Variants in NUP188 observed in about 807,000 individuals in gnomAD.
The protein encoded by NUP188 is nucleoporin 188.
NUP188 carries 97 observed loss-of-function variants against 223.0 expected under a neutral mutation model. The ratio of observed to expected loss-of-function variants is 0.43; its 90% CI spans 0.37 to 0.51. The LOEUF (loss-of-function observed/expected upper bound fraction) is 0.51. Ranked by LOEUF, NUP188 falls within the 20% of genes least tolerant of loss-of-function variation. The pLI is 0.00. For synonymous variants in NUP188, 869 were observed against 828.0 expected (o/e 1.05, Z -0.85); for missense variants, 1,947 against 2,175.6 (o/e 0.89, Z 2.09).
Position 128,999,738 on chromosome 9 carries a change from C to T in NUP188, c.3776C>T (p.Thr1259Ile), listed in dbSNP as rs1842606101. Residue 1259 changes from threonine (T) to isoleucine (I), a missense_variant, in exon 34 of 44, where the codon ACA (threonine) becomes ATA (isoleucine). By Grantham distance (89) the Thr-to-Ile change is moderately conservative. Around this residue, in one of 3 missense-constraint regions of NUP188, gnomAD observed 905 missense variants for 990.6 expected, o/e 0.91. Coordinates refer to ENST00000372577, the MANE Select transcript of NUP188 (RefSeq NM_015354.3). ...CACAGTCTGGCATTAGGCAGTGCCA[C>T]AGAGGACAAGGACAGCATGGAGACT... is the stretch of plus-strand genomic sequence containing the variant. ...TRHSLALGSA[T>I]EDKDSMETDD... The T allele has an allele frequency of 6.2e-7, 1 of 1,614,226 alleles. No individual in the cohort carries two copies. Among genetic ancestry groups the T allele is most frequent in the South Asian group, 1.1e-5 (1 of 91,086 alleles).
chr9:129,000,993 C>T (rs1004305063), intron 34 of NUP188, among the ~76,000 whole-genome samples: 12 of 152,020 alleles, frequency 7.9e-5, no homozygotes, highest in African/African-American at 2.9e-4. Flanking sequence ...GCCGAGATCG[C>T]GCCGCTGCAC....
Position 129,006,125 on chromosome 9 carries a change from T to G in NUP188, c.4943+2T>G. The G allele has an allele frequency of 6.2e-7, 1 of 1,614,112 alleles. No homozygotes were observed. On this transcript the variant is annotated splice_donor_variant, in intron 42 of 43. Coordinates refer to ENST00000372577, the MANE Select transcript of NUP188 (RefSeq NM_015354.3). LOFTEE classifies it high-confidence loss of function. The stretch of plus-strand genomic sequence containing the variant: ...GGCAGAAGGGACCAGGACGTTAAAG[T>G]AAGTGCTCTTTCTGGGATTTGATAA...
intron 8 of NUP188, among the ~76,000 whole-genome samples, chr9:128,960,059 C>CTTTTTTTTTTTT (rs956759518): frequency 4.8e-5 from 5 of 103,776 alleles, no homozygotes; most frequent in Admixed American, 9.9e-5. Context: ...TTATTTTATT[C>CTTTTTTTTTTTT]TTTTTTTTTT....
chr9:129,004,310 C>CA (rs1842735124), intron 38 of NUP188, among the ~76,000 whole-genome samples: 1 of 148,184 alleles, frequency 6.7e-6, no homozygotes. Flanking sequence ...CTAAACTAAA[C>CA]AAAACCAAAA....
At chr9:128,969,937 G>GT (rs1026719541) in intron 10 of NUP188, among the ~76,000 whole-genome samples, 23 of 150,858 alleles carry the variant, frequency 1.5e-4, no homozygotes, top group African/African-American at 4.9e-4. Flanking sequence ...AGTCTGTTTT[G>GT]TTTTTTTTGA....
intron 42 of NUP188, 55 bp downstream of exon 42, chr9:129,006,178 T>C: frequency 1.9e-6 from 3 of 1,614,090 alleles, no homozygotes; most frequent in Non-Finnish European, 2.5e-6. Flanking sequence ...GGGCCCACTG[T>C]TCTCAAGCTT....
chr9:128,981,950 G>T (rs962335733), intron 15 of NUP188, among the ~76,000 whole-genome samples: 27 of 152,034 alleles, frequency 1.8e-4, no homozygotes, highest in Non-Finnish European at 3.1e-4. Flanking sequence ...GGTGGTGCAT[G>T]CCTGTAATCC....
intron 9 of NUP188, 44 bp downstream of exon 9, chr9:128,968,761 G>A: frequency 7.0e-7 from 1 of 1,435,912 alleles, no homozygotes; most frequent in Non-Finnish European, 9.8e-7. Flanking sequence ...AGTGTTTAGA[G>A]CATTGATACT....
chr9:128,970,659 ACT>A, intron 10 of NUP188, 97 bp from the exon 11 acceptor site: 2 of 981,840 alleles, frequency 2.0e-6, no homozygotes, highest in Non-Finnish European at 3.2e-6. Context: ...GAGTGAGGCC[ACT>A]CTTTATGGCT....
intron 8 of NUP188, among the ~76,000 whole-genome samples, chr9:128,964,734 C>T (rs1330968931): frequency 6.9e-6 from 1 of 144,318 alleles, no homozygotes; most frequent in Non-Finnish European, 1.5e-5. Flanking sequence ...TTGAGACGCT[C>T]TCACTCAGTC....
Position 128,984,124 on chromosome 9 carries a change from A to ATTTTTTTTTTTTTTTTTTTTTTTTTTTT in NUP188, c.1961+593_1961+594insTTTTTTTTTTTTTTTTTTTTTTTTTTTT, listed in dbSNP as rs1193631566. On this transcript the variant is annotated intron_variant, in intron 19 of 43. Coordinates refer to ENST00000372577, the MANE Select transcript of NUP188 (RefSeq NM_015354.3). Reference sequence around the variant, plus strand: ...GGCGTGAGCCACCGCGCCTGGCCTGATTTTTTTTTTTTTTTTTTTGAGATG... The same window carrying ATTTTTTTTTTTTTTTTTTTTTTTTTTTT: ...GGCGTGAGCCACCGCGCCTGGCCTGATTTTTTTTTTTTTTTTTTTTTTTTTTTTTTTTTTTTTTTTTTTTTTTGAGATG... Among the ~76,000 whole-genome samples, 30 of 93,050 alleles carry ATTTTTTTTTTTTTTTTTTTTTTTTTTTT rather than the reference A, an allele frequency of 3.2e-4. 5 individuals are homozygous for ATTTTTTTTTTTTTTTTTTTTTTTTTTTT. Among genetic ancestry groups the ATTTTTTTTTTTTTTTTTTTTTTTTTTTT allele is most frequent in the African/African-American group, 1.2e-3 (21 of 16,966 alleles). 61.0% of individuals were successfully genotyped at this position (93,050 alleles called of 152,430 possible). A position where few individuals can be genotyped will look rare whatever the true frequency, so the allele number is the denominator to read the frequency against.
Position 128,959,105 on chromosome 9 carries a change from C to A in NUP188, c.556C>A (p.Pro186Thr). 2 of 1,600,592 alleles carry A rather than the reference C, an allele frequency of 1.2e-6. No homozygotes were observed. Among genetic ancestry groups the A allele is most frequent in the South Asian group, 2.3e-5 (2 of 88,466 alleles). The part of the protein sequence containing the change: ...QFEELYKTEA[P>T]TWETHGNLMT... ...CGAAGAGCTTTATAAAACTGAAGCA[C>A]CAACTTGGGAGACACATGGAAATCT... Residue 186 changes from proline to threonine, a missense_variant, in exon 8 of 44, where the codon CCA becomes ACA. Around this residue, in one of 3 missense-constraint regions of NUP188, gnomAD observed 817 missense variants for 865.8 expected, o/e 0.94. Coordinates refer to ENST00000372577, the MANE Select transcript of NUP188 (RefSeq NM_015354.3).
chr9:128,973,370 C>A, intron 12 of NUP188, 121 bp downstream of exon 12: 1 of 637,504 alleles, frequency 1.6e-6, no homozygotes, highest in Non-Finnish European at 2.7e-6. Context: ...TACTGGCACT[C>A]ATTTTTTTAT....
rs1249797222 is a variant in NUP188 at position 129,003,887 on chromosome 9, C to G, written c.4434+433C>G. 2.7e-5 allele frequency: 8 copies of G among 294,196 alleles called. No homozygotes were observed. The East Asian group carries it at 1.1e-3, about 42-fold the overall frequency. The allele number at this position is 294,196 out of a possible 1,614,324, so 18.2% of individuals were successfully genotyped here. On this transcript the variant is annotated intron_variant, in intron 38 of 43. Coordinates refer to ENST00000372577, the MANE Select transcript of NUP188 (RefSeq NM_015354.3). ...ACTCGGGAGGCTGAGTTGGGAGAAT[C>G]GCTTGAACCTGGGAGGCGGAGGTTG... is the stretch of plus-strand genomic sequence containing the variant.
rs372001626 is a variant in NUP188, at chr9:129,005,445, A to G, written c.4652A>G (p.Gln1551Arg). ...GAGCAGCAGGCCTTGCACACAGTCCAGTATGGCCTTCTCAAGATCCTCAGC... is the reference window on the plus strand; with the variant it reads ...GAGCAGCAGGCCTTGCACACAGTCCGGTATGGCCTTCTCAAGATCCTCAGC... Reference protein sequence around the residue: ...ASEQQALHTVQYGLLKILSKT... With the variant: ...ASEQQALHTVRYGLLKILSKT... Residue 1551 changes from glutamine to arginine, a missense_variant, in exon 40 of 44, where the codon CAG becomes CGG. Coordinates refer to ENST00000372577, the MANE Select transcript of NUP188 (RefSeq NM_015354.3). The G allele has an allele frequency of 5.0e-6, 8 of 1,607,992 alleles. No individual in the cohort carries two copies. The highest frequency in any genetic ancestry group is 2.7e-5 in the African/African-American group (2 of 74,926).
intron 34 of NUP188, among the ~76,000 whole-genome samples, chr9:129,001,030 C>G (rs1370430823): frequency 1.3e-5 from 2 of 151,948 alleles, no homozygotes; most frequent in Admixed American, 1.3e-4. Flanking sequence ...GAGCGAGGCT[C>G]CATCTCAAAA....
At chr9:128,948,654 C>G (rs1841727502) in intron 1 of NUP188, 1 of 152,146 alleles carries the variant, frequency 6.6e-6, no homozygotes, top group South Asian at 2.1e-4. Context: ...ACCACCCTCC[C>G]TCAAAGTTAA....
At position 129,006,074 on chromosome 9, in the gene NUP188, A is replaced by G; in HGVS notation, c.4894A>G (p.Thr1632Ala). The change falls in exon 42 of 44, where the codon ACC becomes GCC. Residue 1632 changes from threonine (T) to alanine (A), a missense_variant. Physicochemically the swap from Thr to Ala is moderately conservative, Grantham distance 58 (BLOSUM62 0). Coordinates refer to ENST00000372577, the MANE Select transcript of NUP188 (RefSeq NM_015354.3). The part of the protein sequence containing the change: ...GELDKKKEPL[T>A]QAVGLSTQAE... ...GCTGGACAAGAAAAAGGAGCCCCTCACCCAGGCAGTGGGGCTCAGCACACA... is the reference window on the plus strand; with the variant it reads ...GCTGGACAAGAAAAAGGAGCCCCTCGCCCAGGCAGTGGGGCTCAGCACACA... The G allele has an allele frequency of 6.2e-7, 1 of 1,614,148 alleles. No homozygotes were observed. The highest frequency in any genetic ancestry group is 1.1e-5 in the South Asian group (1 of 91,084).
At chr9:128,992,269 C>T (rs1357019089) in intron 25 of NUP188, among the ~76,000 whole-genome samples, 1 of 152,090 alleles carries the variant, frequency 6.6e-6, no homozygotes, top group East Asian at 1.9e-4. Flanking sequence ...CATGATCTCA[C>T]TGCAGCCTCC....
Sources: allele counts gnomAD v4.1 joint callset (sites outside exome capture counted in the v4.1 genomes callset), GRCh38; gene constraint gnomAD v4.1.1; regional missense constraint gnomAD v4.1.1; transcripts MANE v1.5; gene names NCBI Gene and HGNC (gene_info 2026-07-23, HGNC 2026-07-21).